Variants in ZCCHC4 observed in about 807,000 individuals in gnomAD.
The protein encoded by ZCCHC4 is zinc finger CCHC-type containing 4.
ZCCHC4 carries 54 observed loss-of-function variants against 67.7 expected under a neutral mutation model. That is an observed-to-expected ratio of 0.80 (90% CI 0.64 to 1.00). The LOEUF is 1.00. ZCCHC4 is among the 50% of genes least tolerant of loss of function. The pLI is 0.00. For missense variants in ZCCHC4, 609 were observed against 617.0 expected (o/e 0.99, Z 0.14); for synonymous variants, 198 against 213.5 (o/e 0.93, Z 0.63).
intron 1 of ZCCHC4, among the ~76,000 whole-genome samples, chr4:25,313,774 G>A (rs1226494525): frequency 1.3e-5 from 2 of 152,136 alleles, no homozygotes; most frequent in African/African-American, 4.8e-5. Flanking sequence ...GCTGAGGCGG[G>A]AGAATCGCTT....
At chr4:25,354,271 T>C (rs2109085850) in intron 8 of ZCCHC4, among the ~76,000 whole-genome samples, 1 of 152,270 alleles carries the variant, frequency 6.6e-6, no homozygotes, top group South Asian at 2.1e-4. Context: ...AATATTAGGG[T>C]TACAGTTTTG....
chr4:25,332,730 G>C (rs1719249706), intron 3 of ZCCHC4, among the ~76,000 whole-genome samples: 1 of 152,106 alleles, frequency 6.6e-6, no homozygotes, highest in Non-Finnish European at 1.5e-5. Flanking sequence ...TCTTTTAGGA[G>C]GTAATTTTTC....
intron 5 of ZCCHC4, among the ~76,000 whole-genome samples, chr4:25,341,257 T>C (rs1336248706): frequency 6.6e-6 from 1 of 152,198 alleles, no homozygotes; most frequent in Non-Finnish European, 1.5e-5. Context: ...GGAGTTGATA[T>C]GGTTTGGAGT....
chr4:25,351,722 G>A, intron 8 of ZCCHC4, 33 bp downstream of exon 8: 1 of 1,519,264 alleles, frequency 6.6e-7, no homozygotes, highest in South Asian at 1.2e-5. Flanking sequence ...TGGCATGGTT[G>A]GGGAATGGAG....
intron 5 of ZCCHC4, among the ~76,000 whole-genome samples, chr4:25,344,889 G>A (rs548633768): frequency 6.0e-5 from 9 of 150,360 alleles, no homozygotes; most frequent in South Asian, 4.2e-4. Flanking sequence ...TGCATCCTCC[G>A]CCTCCTGGGC....
chr4:25,365,398 G>A (rs1476575169), intron 12 of ZCCHC4: 15 of 1,286,172 alleles, frequency 1.2e-5, no homozygotes, highest in Non-Finnish European at 1.4e-5. Context: ...CAAAATATGA[G>A]GTAGAAAGTG....
Position 25,364,437 on chromosome 4 carries a change from G to GTTTTT in ZCCHC4, c.1210-10_1210-6dup. On this transcript the variant is annotated splice_polypyrimidine_tract_variant and intron_variant, in intron 10 of 12. Coordinates refer to ENST00000302874, the MANE Select transcript of ZCCHC4 (RefSeq NM_024936.3). ...ACAAATTAATTATAATTTAAAAATT[G>GTTTTT]TTTTTTTTTTTGGTAGGATGGCAGG... 8.8e-7 allele frequency: 1 copy of GTTTTT among 1,139,668 alleles called. No individual in the cohort carries two copies. Among genetic ancestry groups the GTTTTT allele is most frequent in the Non-Finnish European group, 1.2e-6 (1 of 845,868 alleles). The allele number at this position is 1,139,668 out of a possible 1,614,324, so 70.6% of individuals were successfully genotyped here.
chr4:25,317,130 C>T (rs1161548607), intron 3 of ZCCHC4, among the ~76,000 whole-genome samples: 1 of 152,172 alleles, frequency 6.6e-6, no homozygotes. Flanking sequence ...GTCTAGGTTA[C>T]TGATGACAAA....
At chr4:25,319,569 T>C (rs1247936919) in intron 3 of ZCCHC4, among the ~76,000 whole-genome samples, 2 of 152,196 alleles carry the variant, frequency 1.3e-5, no homozygotes, top group African/African-American at 4.8e-5. Context: ...TTCCTATGCT[T>C]TATTATATGC....
Position 25,323,603 on chromosome 4 carries a change from G to C in ZCCHC4, c.329+8203G>C, listed in dbSNP as rs78891980. 6.8e-3 allele frequency among the ~76,000 whole-genome samples: 1,028 copies of C among 152,282 alleles called. 9 individuals are homozygous for C. The highest frequency in any genetic ancestry group is 0.023 in the African/African-American group (965 of 41,550). Reference sequence around the variant, plus strand: ...CTTCTTGAGACTGTAGGGGGAAGGAGGCAATAACCAGACAGAACTCCAGGA... The same window carrying C: ...CTTCTTGAGACTGTAGGGGGAAGGACGCAATAACCAGACAGAACTCCAGGA... On this transcript the variant is annotated intron_variant, in intron 3 of 12. Transcript: ENST00000302874.
At chr4:25,323,862 C>A (rs1718710943) in intron 3 of ZCCHC4, among the ~76,000 whole-genome samples, 1 of 152,084 alleles carries the variant, frequency 6.6e-6, no homozygotes, top group Non-Finnish European at 1.5e-5. Flanking sequence ...CATACTATTA[C>A]CTCCAGAAGT....
At chr4:25,324,014 G>GTTTGTTTTTTTTTTT (rs1553895906) in intron 3 of ZCCHC4, among the ~76,000 whole-genome samples, 1 of 82,448 alleles carries the variant, frequency 1.2e-5, no homozygotes. Flanking sequence ...TGTTTTTTGT[G>GTTTGTTTTTTTTTTT]TTTTTTTTTT....
chr4:25,317,252 A>G (rs942793502), intron 3 of ZCCHC4, among the ~76,000 whole-genome samples: 5 of 152,156 alleles, frequency 3.3e-5, no homozygotes, highest in Non-Finnish European at 7.3e-5. Context: ...TGTATTTATA[A>G]TATTTTTCCT....
intron 5 of ZCCHC4, among the ~76,000 whole-genome samples, chr4:25,340,943 T>C (rs1174450112): frequency 6.6e-6 from 1 of 152,168 alleles, no homozygotes; most frequent in African/African-American, 2.4e-5. Context: ...CTGCTCATTA[T>C]GAAGATGAAG....
At chr4:25,363,744 G>A (rs1281592756) in intron 10 of ZCCHC4, among the ~76,000 whole-genome samples, 1 of 152,196 alleles carries the variant, frequency 6.6e-6, no homozygotes. Context: ...TGCCCAGACT[G>A]TATAGTTTAA....
chr4:25,339,099 C>T (rs1305655047), intron 5 of ZCCHC4, among the ~76,000 whole-genome samples: 2 of 152,090 alleles, frequency 1.3e-5, no homozygotes, highest in East Asian at 1.9e-4. Flanking sequence ...TCTTTGTGTG[C>T]GTATCCCTGG....
intron 5 of ZCCHC4, among the ~76,000 whole-genome samples, chr4:25,341,951 G>A (rs558992433): frequency 6.6e-6 from 1 of 152,150 alleles, no homozygotes; most frequent in Non-Finnish European, 1.5e-5. Context: ...GTCAGAGTAG[G>A]GGTTAGGGGA....
chr4:25,368,462 C>A (rs78223027), intron 12 of ZCCHC4, among the ~76,000 whole-genome samples: 1,847 of 152,266 alleles, frequency 0.012, 45 homozygotes, highest in African/African-American at 0.04. Flanking sequence ...TATTTTGAAG[C>A]TAATCTTCAA....
At chr4:25,330,376 G>A (rs1301749793) in intron 3 of ZCCHC4, among the ~76,000 whole-genome samples, 1 of 152,060 alleles carries the variant, frequency 6.6e-6, no homozygotes, top group Admixed American at 6.6e-5. Context: ...AGTAGTATGG[G>A]ATTTACCTTG....
Sources: gnomAD v4.1 joint callset for allele counts (sites outside exome capture counted in the v4.1 genomes callset) on GRCh38, gnomAD v4.1.1 for gene constraint, MANE v1.5 for transcripts, NCBI Gene and HGNC (gene_info 2026-07-23, HGNC 2026-07-21) for gene names.